Variants in CCSER1 observed in about 807,000 individuals in gnomAD.
The protein encoded by CCSER1 is coiled-coil serine rich protein 1.
Under a neutral mutation model 82.0 loss-of-function variants are expected in CCSER1, and 41 were observed. The observed-to-expected ratio is 0.50, with a 90% CI of 0.39 to 0.65. The LOEUF (loss-of-function observed/expected upper bound fraction) is 0.65, where lower values mean the gene tolerates loss of function less well. Ranked by LOEUF, CCSER1 falls within the 30% of genes least tolerant of loss-of-function variation. CCSER1 has a pLI of 0.00. For missense variants in CCSER1, 1,119 were observed against 1,064.2 expected (o/e 1.05, Z -0.72); for synonymous variants, 414 against 383.9 (o/e 1.08, Z -0.92).
intron 1 of CCSER1, among the ~76,000 whole-genome samples, chr4:90,213,342 G>A (rs1740388958): frequency 6.6e-6 from 1 of 152,150 alleles, no homozygotes; most frequent in Non-Finnish European, 1.5e-5. Context: ...GTATTTGGAG[G>A]AAAACCAGGT....
chr4:90,628,894 T>A (rs1723820739), intron 6 of CCSER1, among the ~76,000 whole-genome samples: 1 of 152,192 alleles, frequency 6.6e-6, no homozygotes, highest in South Asian at 2.1e-4. Context: ...GGGATTTCTA[T>A]ACAAAGTATA....
At chr4:90,673,959 G>A (rs1350130880) in intron 6 of CCSER1, among the ~76,000 whole-genome samples, 1 of 151,936 alleles carries the variant, frequency 6.6e-6, no homozygotes, top group Non-Finnish European at 1.5e-5. Flanking sequence ...CCTTATGACA[G>A]AAGGCAGTTT....
chr4:90,197,352 CT>C (rs1224621088), intron 1 of CCSER1, among the ~76,000 whole-genome samples: 1 of 152,092 alleles, frequency 6.6e-6, no homozygotes, highest in African/African-American at 2.4e-5. Flanking sequence ...AGTACAACCA[CT>C]ATGGAGAACA....
intron 9 of CCSER1, among the ~76,000 whole-genome samples, chr4:90,963,184 G>A (rs570020359): frequency 3.1e-4 from 47 of 152,148 alleles, no homozygotes; most frequent in Non-Finnish European, 5.3e-4. Context: ...ATTTAAAGGC[G>A]TTTGAGGAAA....
At chr4:90,704,482 G>A (rs1271758233) in intron 6 of CCSER1, among the ~76,000 whole-genome samples, 1 of 152,128 alleles carries the variant, frequency 6.6e-6, no homozygotes, top group Non-Finnish European at 1.5e-5. Flanking sequence ...GAGTATCTTT[G>A]TGGCGTTCTC....
Position 90,932,996 on chromosome 4 carries a change from GAA to G in CCSER1, c.2172+9551_2172+9552del, listed in dbSNP as rs1472855231. 4.5e-3 allele frequency among the ~76,000 whole-genome samples: 250 copies of G among 56,052 alleles called. 70 individuals are homozygous for G. Among genetic ancestry groups the G allele is most frequent in the African/African-American group, 0.026 (199 of 7,782 alleles). 36.8% of individuals were successfully genotyped at this position (56,052 alleles called of 152,430 possible). A position where few individuals can be genotyped will look rare whatever the true frequency, so the allele number is the denominator to read the frequency against. On this transcript the variant is annotated intron_variant, in intron 9 of 10. Coordinates refer to ENST00000509176, the MANE Select transcript of CCSER1 (RefSeq NM_001145065.2). The stretch of plus-strand genomic sequence containing the variant: ...AAAGAAAGAAAGAGAAAGAAAGAAA[GAA>G]AGAAAGAAAGAAAGAAAGAAAGAAA...
chr4:90,144,007 C>T (rs2153341675), intron 1 of CCSER1, among the ~76,000 whole-genome samples: 1 of 152,272 alleles, frequency 6.6e-6, no homozygotes, highest in African/African-American at 2.4e-5. Context: ...CCTTTGTTAT[C>T]ATCACATTTC....
chr4:91,373,141 A>G (rs755149623), intron 10 of CCSER1, among the ~76,000 whole-genome samples: 6 of 151,180 alleles, frequency 4.0e-5, no homozygotes, highest in Admixed American at 1.3e-4. Flanking sequence ...GTTTAAACAT[A>G]CTTTTTTTTT....
intron 6 of CCSER1, among the ~76,000 whole-genome samples, chr4:90,630,481 G>A (rs1024878902): frequency 5.3e-4 from 81 of 152,202 alleles, no homozygotes; most frequent in African/African-American, 1.9e-3. Context: ...CTGCCACCTG[G>A]TTTTCTTTAT....
intron 1 of CCSER1, among the ~76,000 whole-genome samples, chr4:90,150,866 A>G (rs2153350574): frequency 6.6e-6 from 1 of 152,308 alleles, no homozygotes; most frequent in South Asian, 2.1e-4. Flanking sequence ...AGGTCAGTGA[A>G]TAAATGTATC....
chr4:90,844,161 G>T (rs1242268336), intron 8 of CCSER1, among the ~76,000 whole-genome samples: 2 of 150,750 alleles, frequency 1.3e-5, no homozygotes, highest in African/African-American at 4.9e-5. Flanking sequence ...TGTATATATA[G>T]ATAGATAGAT....
At chr4:91,298,889 T>C (rs1353572992) in intron 10 of CCSER1, among the ~76,000 whole-genome samples, 1 of 151,914 alleles carries the variant, frequency 6.6e-6, no homozygotes, top group Non-Finnish European at 1.5e-5. Context: ...AGGGGGAAAA[T>C]CAACCATATG....
At chr4:91,084,476 T>A (rs1215634917) in intron 9 of CCSER1, among the ~76,000 whole-genome samples, 1 of 152,104 alleles carries the variant, frequency 6.6e-6, no homozygotes, top group African/African-American at 2.4e-5. Flanking sequence ...TTAAAGGGCA[T>A]AGAGAAGAAA....
chr4:91,117,768 C>T lies in CCSER1; in HGVS notation c.2217+31774C>T, dbSNP rs371872433. The stretch of plus-strand genomic sequence containing the variant: ...CTTTAAAAACCCTGGCTTTGCTACT[C>T]AACAGTTACATGACCATAGACATAT... On this transcript the variant is annotated intron_variant, in intron 10 of 10. Coordinates refer to ENST00000509176, the MANE Select transcript of CCSER1 (RefSeq NM_001145065.2). Among the ~76,000 whole-genome samples the T allele has an allele frequency of 6.9e-4, 105 of 152,218 alleles. 1 individual carries two copies. The highest frequency in any genetic ancestry group is 2.4e-3 in the African/African-American group (98 of 41,552).
chr4:91,442,294 A>G (rs1385598392), intron 10 of CCSER1, among the ~76,000 whole-genome samples: 1 of 152,150 alleles, frequency 6.6e-6, no homozygotes, highest in Non-Finnish European at 1.5e-5. Context: ...ATGGAACAGA[A>G]CAGAGCCCTC....
intron 10 of CCSER1, among the ~76,000 whole-genome samples, chr4:91,469,510 T>C (rs1450995533): frequency 1.3e-5 from 2 of 152,186 alleles, no homozygotes; most frequent in Admixed American, 1.3e-4. Context: ...GCAAGTAGTT[T>C]TCCCCCTGTT....
Position 90,440,744 on chromosome 4 carries a change from A to G in CCSER1, c.1604-27490A>G, listed in dbSNP as rs187250935. On this transcript the variant is annotated intron_variant, in intron 4 of 10. Coordinates refer to ENST00000509176, the MANE Select transcript of CCSER1 (RefSeq NM_001145065.2). ...CTCAGTTTATCAAGATTTTTAACAC[A>G]AGCGACTCATGTTTATTTTGAGTTT... 1.9e-3 allele frequency among the ~76,000 whole-genome samples: 282 copies of G among 152,288 alleles called. 1 individual carries two copies. The highest frequency in any genetic ancestry group is 6.5e-3 in the African/African-American group (270 of 41,550).
chr4:90,841,239 T>C (rs1475471539), intron 8 of CCSER1, among the ~76,000 whole-genome samples: 1 of 152,090 alleles, frequency 6.6e-6, no homozygotes, highest in African/African-American at 2.4e-5. Context: ...AGCAGGAATG[T>C]GGCAGCAAGG....
intron 8 of CCSER1, among the ~76,000 whole-genome samples, chr4:90,904,810 C>T (rs1164416294): frequency 6.6e-6 from 1 of 152,020 alleles, no homozygotes; most frequent in African/African-American, 2.4e-5. Context: ...ATGTGTATCA[C>T]TACATACCTG....
Sources: allele counts gnomAD v4.1 joint callset (sites outside exome capture counted in the v4.1 genomes callset), GRCh38; gene constraint gnomAD v4.1.1; transcripts MANE v1.5; gene names NCBI Gene and HGNC (gene_info 2026-07-23, HGNC 2026-07-21).